PTPRD: variants seen among roughly 807,000 people sequenced by gnomAD.
PTPRD encodes the protein receptor-type tyrosine-protein phosphatase delta.
PTPRD carries 34 observed loss-of-function variants against 214.5 expected under a neutral mutation model. The ratio of observed to expected loss-of-function variants is 0.16; its 90% CI spans 0.12 to 0.21. The LOEUF is 0.21. Among genes scored for constraint, PTPRD ranks in the 10% least tolerant of loss-of-function variants. The probability of loss-of-function intolerance (pLI) is 1.00; values close to 1 mark genes in which losing one functional copy is unlikely to be tolerated. For synonymous variants in PTPRD, 1,128 were observed against 845.7 expected (o/e 1.33, Z -5.79); for missense variants, 2,545 against 2,398.7 (o/e 1.06, Z -1.27).
intron 12 of PTPRD, among the ~76,000 whole-genome samples, chr9:8,720,659 C>G (rs969304145): frequency 6.6e-6 from 1 of 151,714 alleles, no homozygotes; most frequent in East Asian, 1.9e-4. Flanking sequence ...ACTAGTCACA[C>G]AGAAATCAAA....
At chr9:10,407,294 G>A (rs532070427) in intron 2 of PTPRD, among the ~76,000 whole-genome samples, 19 of 151,514 alleles carry the variant, frequency 1.3e-4, no homozygotes, top group African/African-American at 4.6e-4. Flanking sequence ...TGTGATAATT[G>A]GATGAATGTT....
chr9:9,604,937 C>T (rs1369911557), intron 7 of PTPRD, among the ~76,000 whole-genome samples: 1 of 151,612 alleles, frequency 6.6e-6, no homozygotes, highest in Non-Finnish European at 1.5e-5. Context: ...ATTATTTTAA[C>T]AGGAGGTGGT....
At chr9:8,659,425 T>C (rs1028076480) in intron 12 of PTPRD, among the ~76,000 whole-genome samples, 3 of 152,194 alleles carry the variant, frequency 2.0e-5, no homozygotes, top group African/African-American at 7.2e-5. Flanking sequence ...GATTCCAACC[T>C]GTTGTTATCA....
intron 36 of PTPRD, among the ~76,000 whole-genome samples, chr9:8,397,654 T>A (rs1412932776): frequency 1.3e-5 from 2 of 152,178 alleles, no homozygotes; most frequent in Non-Finnish European, 2.9e-5. Context: ...GAAGAGAGGC[T>A]AAGACACAAC....
At chr9:8,980,665 G>T (rs1322706874) in intron 11 of PTPRD, among the ~76,000 whole-genome samples, 2 of 152,080 alleles carry the variant, frequency 1.3e-5, no homozygotes, top group Admixed American at 1.3e-4. Flanking sequence ...TTAGAGAAAT[G>T]ACTCTGGCAT....
At chr9:8,748,103 C>A (rs2093044745) in intron 11 of PTPRD, among the ~76,000 whole-genome samples, 1 of 152,162 alleles carries the variant, frequency 6.6e-6, no homozygotes, top group African/African-American at 2.4e-5. Context: ...AACTGCACAA[C>A]AACTACTATG....
chr9:9,412,234 C>CTT (rs2075679117), intron 8 of PTPRD, among the ~76,000 whole-genome samples: 2 of 151,962 alleles, frequency 1.3e-5, no homozygotes, highest in African/African-American at 4.8e-5. Flanking sequence ...AATAATTATG[C>CTT]CTTATTTCAA....
rs34434355 is a variant in PTPRD, at chr9:8,988,676, A to ATT, written c.-104+30019_-104+30020dup. On this transcript the variant is annotated intron_variant, in intron 11 of 45. Transcript: ENST00000381196. ...TCCCTCCATTTTCATTAACATTACG[A>ATT]TTTTTTTAGGCTCTCCTTCAACACA... is the stretch of plus-strand genomic sequence containing the variant. Among the ~76,000 whole-genome samples, 5 of 152,060 alleles carry ATT rather than the reference A, an allele frequency of 3.3e-5. No individual in the cohort carries two copies. The East Asian group carries it at 9.7e-4, about 29-fold the overall frequency.
At chr9:8,659,053 C>T (rs1462829328) in intron 12 of PTPRD, among the ~76,000 whole-genome samples, 1 of 148,288 alleles carries the variant, frequency 6.7e-6, no homozygotes, top group Non-Finnish European at 1.5e-5. Context: ...CATCCTTCAA[C>T]AATGTCAAAA....
chr9:8,317,754 C>T lies in PTPRD; in HGVS notation c.*120G>A, dbSNP rs1822941109. 1 of 772,364 alleles carries T rather than the reference C, an allele frequency of 1.3e-6. No homozygotes were observed. The highest frequency in any genetic ancestry group is 2.2e-6 in the Non-Finnish European group (1 of 453,620). 47.8% of individuals were successfully genotyped at this position (772,364 alleles called of 1,614,324 possible). A position where few individuals can be genotyped will look rare whatever the true frequency, so the allele number is the denominator to read the frequency against. On this transcript the variant is annotated 3_prime_UTR_variant, in exon 46 of 46. Coordinates refer to ENST00000381196, the MANE Select transcript of PTPRD (RefSeq NM_002839.4). ...TTAATTTGTTTTGTGTGTAATAGTC[C>T]CACTAAGTAGTTGTTAGCTAGAAGT...
At chr9:8,454,212 C>T (rs1445015520) in intron 33 of PTPRD, among the ~76,000 whole-genome samples, 1 of 152,138 alleles carries the variant, frequency 6.6e-6, no homozygotes, top group African/African-American at 2.4e-5. Context: ...GAAAACTAAT[C>T]TTTGGTAAAA....
chr9:10,015,914 G>C (rs1379923322), intron 4 of PTPRD, among the ~76,000 whole-genome samples: 3 of 152,094 alleles, frequency 2.0e-5, no homozygotes, highest in Admixed American at 6.6e-5. Context: ...TTAAGACTTT[G>C]TACCATGTGT....
At chr9:8,854,254 A>AGC (rs1566632489) in intron 11 of PTPRD, among the ~76,000 whole-genome samples, 3 of 152,212 alleles carry the variant, frequency 2.0e-5, no homozygotes, top group African/African-American at 7.2e-5. Flanking sequence ...AGAGCACAAG[A>AGC]GCACACACAC....
intron 8 of PTPRD, among the ~76,000 whole-genome samples, chr9:9,476,093 A>C (rs534489192): frequency 6.6e-5 from 10 of 152,332 alleles, no homozygotes; most frequent in Admixed American, 3.3e-4. Flanking sequence ...AAAAATTCAT[A>C]ATCTTTCATC....
intron 9 of PTPRD, among the ~76,000 whole-genome samples, chr9:9,309,745 A>G (rs1003062365): frequency 1.3e-5 from 2 of 152,210 alleles, no homozygotes; most frequent in African/African-American, 4.8e-5. Context: ...GTAGTCTCTC[A>G]TCCATACTGC....
chr9:9,663,094 T>A (rs1158496785), intron 7 of PTPRD, among the ~76,000 whole-genome samples: 2 of 151,532 alleles, frequency 1.3e-5, no homozygotes, highest in African/African-American at 4.8e-5. Context: ...AATCACAAGC[T>A]GTTATGTGTG....
At chr9:10,206,981 T>C (rs1185730719) in intron 3 of PTPRD, among the ~76,000 whole-genome samples, 1 of 152,160 alleles carries the variant, frequency 6.6e-6, no homozygotes, top group East Asian at 1.9e-4. Flanking sequence ...ATTCATTTTG[T>C]AAAACTGAGG....
intron 2 of PTPRD, among the ~76,000 whole-genome samples, chr9:10,508,697 A>G (rs2046930686): frequency 6.6e-6 from 1 of 152,152 alleles, no homozygotes; most frequent in Non-Finnish European, 1.5e-5. Context: ...TCGCAAGGAC[A>G]AAAAAACAAA....
intron 2 of PTPRD, among the ~76,000 whole-genome samples, chr9:10,516,365 T>C (rs1043462951): frequency 7.9e-5 from 12 of 152,098 alleles, no homozygotes; most frequent in Non-Finnish European, 1.2e-4. Flanking sequence ...GCCATTTTTA[T>C]GTCTTCTTTG....
Sources: allele counts gnomAD v4.1 joint callset (sites outside exome capture counted in the v4.1 genomes callset), GRCh38; gene constraint gnomAD v4.1.1; transcripts MANE v1.5; gene names NCBI Gene and HGNC (gene_info 2026-07-23, HGNC 2026-07-21).